TEX9: variants seen among roughly 807,000 people sequenced by gnomAD.
TEX9 encodes testis-expressed protein 9.
TEX9 carries 74 observed loss-of-function variants against 59.6 expected under a neutral mutation model. The observed-to-expected ratio is 1.24, with a 90% CI of 1.03 to 1.51. The LOEUF is 1.51. Among genes scored for constraint, TEX9 ranks in the 40% most tolerant of loss-of-function variants. The probability of loss-of-function intolerance (pLI) is 0.00; values close to 1 mark genes in which losing one functional copy is unlikely to be tolerated. For missense variants in TEX9, 522 were observed against 447.8 expected (o/e 1.17, Z -1.49); for synonymous variants, 186 against 152.2 (o/e 1.22, Z -1.64).
chr15:56,334,052 T>G (rs959488570), intron 1 of TEX9, among the ~76,000 whole-genome samples: 6 of 152,070 alleles, frequency 3.9e-5, no homozygotes, highest in African/African-American at 9.7e-5. Flanking sequence ...GTTTATAAAT[T>G]GAAAGAATCA....
intron 1 of TEX9, among the ~76,000 whole-genome samples, chr15:56,291,598 G>A (rs183610455): frequency 1.3e-5 from 2 of 152,144 alleles, no homozygotes; most frequent in East Asian, 3.9e-4. Context: ...TAGCATTATT[G>A]TTATTAACTC....
At chr15:56,325,773 C>T (rs1265354309) in intron 1 of TEX9, among the ~76,000 whole-genome samples, 4 of 152,182 alleles carry the variant, frequency 2.6e-5, no homozygotes, top group South Asian at 2.1e-4. Flanking sequence ...ATCCCTATTT[C>T]ATGGTCTGAC....
intron 1 of TEX9, among the ~76,000 whole-genome samples, chr15:56,265,020 A>T (rs1390970294): frequency 2.0e-5 from 3 of 152,116 alleles, no homozygotes; most frequent in Admixed American, 1.3e-4. Flanking sequence ...TAAATCTTGA[A>T]ATCTTGTAGT....
chr15:56,426,820 C>T (rs189985079), intron 10 of TEX9, among the ~76,000 whole-genome samples: 2 of 151,134 alleles, frequency 1.3e-5, no homozygotes, highest in Non-Finnish European at 2.9e-5. Flanking sequence ...TTCTACTGAC[C>T]CTTTTTCTGC....
intron 9 of TEX9, among the ~76,000 whole-genome samples, chr15:56,400,421 G>A (rs1280587337): frequency 6.6e-6 from 1 of 152,012 alleles, no homozygotes; most frequent in Non-Finnish European, 1.5e-5. Flanking sequence ...AAAGTGAGAA[G>A]ACAAGTTTAC....
intron 12 of TEX9, among the ~76,000 whole-genome samples, chr15:56,441,653 C>T (rs1190119883): frequency 6.6e-6 from 1 of 152,144 alleles, no homozygotes; most frequent in African/African-American, 2.4e-5. Context: ...TATTTGCAAA[C>T]TATGCATCTG....
intron 1 of TEX9, among the ~76,000 whole-genome samples, chr15:56,349,793 ATATG>A (rs200068529): frequency 0.01 from 1,547 of 151,944 alleles, 22 homozygotes; most frequent in African/African-American, 0.035. Flanking sequence ...GTGCATATAT[ATATG>A]TATGTGTGTG....
upstream of TEX9, among the ~76,000 whole-genome samples, chr15:56,360,520 C>A (rs2046770454): frequency 6.6e-6 from 1 of 152,014 alleles, no homozygotes; most frequent in African/African-American, 2.4e-5. Flanking sequence ...CCTTTATTAT[C>A]CTTTTAATTT....
At chr15:56,454,977 A>G in the TEX9 span, among the ~76,000 whole-genome samples, 22 of 152,276 alleles carry the variant, frequency 1.4e-4, no homozygotes, top group Non-Finnish European at 2.4e-4. Flanking sequence ...ACATACTGCC[A>G]TATGCTTATT....
At chr15:56,309,847 A>G (rs1473631268) in intron 1 of TEX9, among the ~76,000 whole-genome samples, 1 of 151,678 alleles carries the variant, frequency 6.6e-6, no homozygotes, top group Non-Finnish European at 1.5e-5. Flanking sequence ...GGGAGGGGAA[A>G]TAGTGAGAGC....
At chr15:56,255,867 C>G (rs1320584468) in intron 1 of TEX9, among the ~76,000 whole-genome samples, 1 of 151,928 alleles carries the variant, frequency 6.6e-6, no homozygotes, top group Non-Finnish European at 1.5e-5. Flanking sequence ...AACAAAGAAG[C>G]TTGATCGAAT....
At chr15:56,377,711 T>A (rs760714509) in intron 3 of TEX9, among the ~76,000 whole-genome samples, 30 of 152,178 alleles carry the variant, frequency 2.0e-4, no homozygotes, top group Middle Eastern at 3.2e-3. Flanking sequence ...TCCTTCTGAT[T>A]TGGATGCCCT....
intron 1 of TEX9, among the ~76,000 whole-genome samples, chr15:56,339,382 C>CAAAAAAA (rs1567091301): frequency 3.5e-4 from 1 of 2,830 alleles, no homozygotes; most frequent in African/African-American, 1.1e-3. Flanking sequence ...GACTCCTTCT[C>CAAAAAAA]CAAAAAAAAA....
chr15:56,371,095 C>G (rs1567103972), intron 2 of TEX9, among the ~76,000 whole-genome samples: 1 of 152,112 alleles, frequency 6.6e-6, no homozygotes, highest in African/African-American at 2.4e-5. Flanking sequence ...AAGTGATCCT[C>G]CCTCCACCTC....
chr15:56,446,924 C>G (rs1315270167), downstream of TEX9: 1 of 1,608,498 alleles, frequency 6.2e-7, no homozygotes, highest in Non-Finnish European at 8.5e-7. Context: ...AATTTCTTCT[C>G]CAATTCTCTA....
At chr15:56,327,355 G>C (rs1268091760) in intron 1 of TEX9, among the ~76,000 whole-genome samples, 1 of 152,056 alleles carries the variant, frequency 6.6e-6, no homozygotes, top group Non-Finnish European at 1.5e-5. Context: ...ATCCTTACTT[G>C]CTTCAGCTGC....
At chr15:56,350,438 C>G (rs150396831) in intron 1 of TEX9, among the ~76,000 whole-genome samples, 2 of 152,214 alleles carry the variant, frequency 1.3e-5, no homozygotes, top group Non-Finnish European at 2.9e-5. Flanking sequence ...AAATTAGTAA[C>G]TGAGATAAAG....
At chr15:56,415,629 G>C (rs912594076) in intron 10 of TEX9, among the ~76,000 whole-genome samples, 1 of 151,840 alleles carries the variant, frequency 6.6e-6, no homozygotes, top group East Asian at 1.9e-4. Flanking sequence ...ACCATGTGCT[G>C]TTTTGGTTAT....
intron 4 of TEX9, among the ~76,000 whole-genome samples, chr15:56,386,498 T>C (rs971978877): frequency 2.0e-5 from 3 of 152,026 alleles, no homozygotes; most frequent in Admixed American, 2.0e-4. Context: ...GGTATTACAG[T>C]GGTGAGTAAA....
Sources: gnomAD v4.1 joint callset for allele counts (sites outside exome capture counted in the v4.1 genomes callset) on GRCh38, gnomAD v4.1.1 for gene constraint, MANE v1.5 for transcripts, NCBI Gene and HGNC (gene_info 2026-07-23, HGNC 2026-07-21) for gene names.